The following CDH18 variants were observed in gnomAD, a reference collection of about 807,000 sequenced individuals.
CDH18 encodes the protein cadherin-18.
In CDH18, 31 loss-of-function variants were observed where a neutral mutation model predicts 67.9. The observed-to-expected ratio is 0.46, with a 90% CI of 0.34 to 0.62. CDH18 has a LOEUF of 0.62. Among genes scored for constraint, CDH18 ranks in the 20% least tolerant of loss-of-function variants. CDH18 has a pLI of 0.01. For missense variants in CDH18, 890 were observed against 975.5 expected (o/e 0.91, Z 1.17); for synonymous variants, 362 against 347.2 (o/e 1.04, Z -0.48).
chr5:20,306,345 A>G (rs1736451788), intron 1 of CDH18, among the ~76,000 whole-genome samples: 1 of 152,062 alleles, frequency 6.6e-6, no homozygotes, highest in Admixed American at 6.5e-5. Context: ...TGTTGGTAAC[A>G]TTAATGTTGT....
At chr5:20,563,841 A>G (rs533182283) in intron 1 of CDH18, among the ~76,000 whole-genome samples, 1 of 152,288 alleles carries the variant, frequency 6.6e-6, no homozygotes, top group African/African-American at 2.4e-5. Context: ...TTAAACTCAT[A>G]TTATTAGCCA....
At chr5:19,639,492 C>T (rs138913500) in intron 5 of CDH18, among the ~76,000 whole-genome samples, 33 of 152,238 alleles carry the variant, frequency 2.2e-4, no homozygotes, top group African/African-American at 7.7e-4. Context: ...AGGGAAGTAC[C>T]CCTGCATCTT....
chr5:19,927,285 C>CAG (rs1484857235), intron 2 of CDH18, among the ~76,000 whole-genome samples: 1 of 152,148 alleles, frequency 6.6e-6, no homozygotes, highest in Admixed American at 6.6e-5. Flanking sequence ...CAGGACACAG[C>CAG]AGGCGGCATG....
intron 2 of CDH18, among the ~76,000 whole-genome samples, chr5:19,883,492 T>G (rs768738283): frequency 1.6e-4 from 24 of 151,652 alleles, no homozygotes; most frequent in African/African-American, 5.8e-4. Flanking sequence ...CTTCTAAGCA[T>G]GAGTTTTGCC....
intron 2 of CDH18, among the ~76,000 whole-genome samples, chr5:20,224,111 T>C (rs1013513517): frequency 8.5e-5 from 13 of 152,184 alleles, no homozygotes; most frequent in African/African-American, 3.1e-4. Context: ...AGAAGATAAA[T>C]TGAAATGTCT....
At chr5:19,678,246 C>CA (rs397736814) in intron 5 of CDH18, among the ~76,000 whole-genome samples, 83,884 of 141,860 alleles carry the variant, frequency 0.59, 25,133 homozygotes, top group East Asian at 0.72. Flanking sequence ...CTCAGCAAAT[C>CA]AAAAAAAAAA....
At chr5:20,445,382 G>A (rs1256422094) in intron 1 of CDH18, among the ~76,000 whole-genome samples, 1 of 152,166 alleles carries the variant, frequency 6.6e-6, no homozygotes, top group Non-Finnish European at 1.5e-5. Flanking sequence ...ACATCAGAAT[G>A]TGGGCATCAT....
At chr5:19,759,679 T>A (rs566339001) in intron 3 of CDH18, among the ~76,000 whole-genome samples, 1 of 152,320 alleles carries the variant, frequency 6.6e-6, no homozygotes, top group South Asian at 2.1e-4. Flanking sequence ...TGTCCAGTAG[T>A]CCCTGAAATG....
Position 19,935,705 on chromosome 5 carries a change from A to G in CDH18, c.-257+45355T>C, listed in dbSNP as rs1579677398. ...TTCATTATCCCCTTTGTATTTAAAA[A>G]CTTTTTTTTTTTTTTTACTGTGGAA... On this transcript the variant is annotated intron_variant, in intron 2 of 12. Coordinates refer to ENST00000382275, the MANE Select transcript of CDH18 (RefSeq NM_004934.5). 4.1e-5 allele frequency among the ~76,000 whole-genome samples: 6 copies of G among 147,682 alleles called. No homozygotes were observed. The South Asian group carries it at 8.5e-4, about 21-fold the overall frequency.
intron 2 of CDH18, among the ~76,000 whole-genome samples, chr5:20,091,792 A>T (rs541786013): frequency 2.7e-5 from 4 of 149,118 alleles, no homozygotes; most frequent in South Asian, 2.1e-4. Context: ...AGTTTAAATT[A>T]AAAAAAAAAC....
At chr5:19,857,423 T>C (rs776015050) in intron 2 of CDH18, among the ~76,000 whole-genome samples, 1 of 152,138 alleles carries the variant, frequency 6.6e-6, no homozygotes, top group African/African-American at 2.4e-5. Context: ...GTATAAATGA[T>C]GATAAATAGC....
chr5:20,335,216 C>G (rs1580780802), intron 1 of CDH18, among the ~76,000 whole-genome samples: 1 of 151,968 alleles, frequency 6.6e-6, no homozygotes, highest in East Asian at 1.9e-4. Context: ...GCAAGGTGGA[C>G]TTCTTCTTGT....
At chr5:19,763,103 T>A (rs1333875955) in intron 3 of CDH18, among the ~76,000 whole-genome samples, 1 of 151,800 alleles carries the variant, frequency 6.6e-6, no homozygotes, top group Non-Finnish European at 1.5e-5. Flanking sequence ...TGTCATGGGG[T>A]CTGGGGATGG....
chr5:20,053,195 A>G (rs75968431), intron 2 of CDH18, among the ~76,000 whole-genome samples: 2 of 151,826 alleles, frequency 1.3e-5, no homozygotes, highest in African/African-American at 4.8e-5. Flanking sequence ...TAAGGTATCT[A>G]TCTATCTTAT....
At chr5:19,911,992 T>G (rs1268064666) in intron 2 of CDH18, among the ~76,000 whole-genome samples, 1 of 152,046 alleles carries the variant, frequency 6.6e-6, no homozygotes, top group Non-Finnish European at 1.5e-5. Context: ...TTTGAGATGT[T>G]AAGTAGTGGT....
chr5:20,039,103 A>G (rs991733507), intron 2 of CDH18, among the ~76,000 whole-genome samples: 2 of 152,158 alleles, frequency 1.3e-5, no homozygotes, highest in Non-Finnish European at 1.5e-5. Context: ...AATTGCTACG[A>G]AGAGAATAAA....
chr5:20,033,169 C>T (rs1234091478), intron 2 of CDH18, among the ~76,000 whole-genome samples: 1 of 151,790 alleles, frequency 6.6e-6, no homozygotes, highest in African/African-American at 2.4e-5. Flanking sequence ...ATTAACGATG[C>T]TTCTGGTAGT....
At chr5:20,310,721 T>C (rs971151514) in intron 1 of CDH18, among the ~76,000 whole-genome samples, 1 of 152,208 alleles carries the variant, frequency 6.6e-6, no homozygotes, top group South Asian at 2.1e-4. Flanking sequence ...GTTTTAGTAT[T>C]TGACATGCTG....
intron 2 of CDH18, among the ~76,000 whole-genome samples, chr5:20,168,679 A>T (rs1368864745): frequency 2.0e-5 from 3 of 152,182 alleles, no homozygotes; most frequent in African/African-American, 7.2e-5. Flanking sequence ...GTTTGCTATC[A>T]AAGAGTATTC....
Sources: allele counts gnomAD v4.1 joint callset (sites outside exome capture counted in the v4.1 genomes callset), GRCh38; gene constraint gnomAD v4.1.1; transcripts MANE v1.5; gene names NCBI Gene and HGNC (gene_info 2026-07-23, HGNC 2026-07-21).